SGMS1: variants seen among roughly 807,000 people sequenced by gnomAD.
SGMS1 encodes the protein sphingomyelin synthase 1, also known as phosphatidylcholine:ceramide cholinephosphotransferase 1.
In SGMS1, 13 loss-of-function variants were observed where a neutral mutation model predicts 46.2. That is an observed-to-expected ratio of 0.28 (90% CI 0.18 to 0.45). The LOEUF is 0.45. Ranked by LOEUF, SGMS1 falls within the 20% of genes least tolerant of loss-of-function variation. The pLI is 1.00. For synonymous variants in SGMS1, 203 were observed against 187.8 expected (o/e 1.08, Z -0.66); for missense variants, 324 against 519.9 (o/e 0.62, Z 3.66).
At chr10:50,622,540 C>T (rs1043142851) in intron 1 of SGMS1, among the ~76,000 whole-genome samples, 13 of 152,308 alleles carry the variant, frequency 8.5e-5, no homozygotes, top group African/African-American at 2.9e-4. Flanking sequence ...CTTTAAAGGT[C>T]CAGGAAGATA....
At chr10:50,386,389 G>C (rs913942656) in intron 6 of SGMS1, among the ~76,000 whole-genome samples, 4 of 152,092 alleles carry the variant, frequency 2.6e-5, no homozygotes, top group African/African-American at 9.7e-5. Flanking sequence ...GCATCCTTAT[G>C]GGTTGAAGTA....
intron 6 of SGMS1, among the ~76,000 whole-genome samples, chr10:50,352,966 AG>A (rs1848048562): frequency 6.6e-6 from 1 of 152,208 alleles, no homozygotes; most frequent in Admixed American, 6.5e-5. Context: ...AACCAAAAAA[AG>A]TCCAGGACCA....
rs185192621 is a variant in SGMS1 at position 50,310,906 on chromosome 10, A to G, written c.895+356T>C. ...TAGTTGCTGCATCAACACATAATCTACCATCACCCAATCAGGCTTGATACT... is the reference window on the plus strand; with the variant it reads ...TAGTTGCTGCATCAACACATAATCTGCCATCACCCAATCAGGCTTGATACT... On this transcript the variant is annotated intron_variant, in intron 9 of 10. Coordinates refer to ENST00000361781, the MANE Select transcript of SGMS1 (RefSeq NM_147156.4). 7.2e-5 allele frequency among the ~76,000 whole-genome samples: 11 copies of G among 152,216 alleles called. No individual in the cohort carries two copies. In the East Asian group the frequency reaches 2.1e-3, roughly 29 times the overall value.
intron 3 of SGMS1, among the ~76,000 whole-genome samples, chr10:50,507,567 T>C (rs1231222680): frequency 2.0e-5 from 3 of 152,230 alleles, no homozygotes; most frequent in African/African-American, 7.2e-5. Context: ...GCCTGAGCCA[T>C]GGAATTCACC....
At chr10:50,542,248 T>C (rs922387744) in intron 2 of SGMS1, among the ~76,000 whole-genome samples, 1 of 152,186 alleles carries the variant, frequency 6.6e-6, no homozygotes, top group Admixed American at 6.5e-5. Context: ...CCAGGTTCTA[T>C]GTCTCAAAAA....
At chr10:50,339,742 AG>A (rs1438699539) in intron 7 of SGMS1, among the ~76,000 whole-genome samples, 3 of 152,248 alleles carry the variant, frequency 2.0e-5, no homozygotes, top group African/African-American at 4.8e-5. Flanking sequence ...AATGATGAAT[AG>A]GGTCTAGTTC....
intron 6 of SGMS1, among the ~76,000 whole-genome samples, chr10:50,391,669 A>G (rs1346469906): frequency 6.6e-6 from 1 of 152,130 alleles, no homozygotes; most frequent in Non-Finnish European, 1.5e-5. Flanking sequence ...ATTATTGGGT[A>G]TTTACCCAAA....
chr10:50,560,285 T>C (rs1035758189), intron 2 of SGMS1, among the ~76,000 whole-genome samples: 2 of 141,114 alleles, frequency 1.4e-5, no homozygotes, highest in Non-Finnish European at 1.5e-5. Context: ...ATACAGTATA[T>C]GTATTATAAT....
chr10:50,376,597 G>A (rs555802253), intron 6 of SGMS1, among the ~76,000 whole-genome samples: 3 of 152,120 alleles, frequency 2.0e-5, no homozygotes, highest in African/African-American at 7.2e-5. Context: ...CCAACCCCAC[G>A]ATAGGCCCCA....
chr10:50,547,725 C>A (rs1351579787), intron 2 of SGMS1, among the ~76,000 whole-genome samples: 1 of 152,088 alleles, frequency 6.6e-6, no homozygotes, highest in Non-Finnish European at 1.5e-5. Context: ...CAACACCTGG[C>A]AGAGATACAA....
intron 2 of SGMS1, among the ~76,000 whole-genome samples, chr10:50,585,159 G>A (rs141402138): frequency 0.012 from 1,824 of 152,324 alleles, 16 homozygotes; most frequent in Middle Eastern, 0.034. Context: ...AACAGAGATA[G>A]ATTAATTTGT....
In SGMS1 at chr10:50,311,268, T is replaced by C. The variant is rs1339516161; in HGVS notation, c.889A>G (p.Lys297Glu). 6 of 1,612,918 alleles carry C rather than the reference T, an allele frequency of 3.7e-6. No homozygotes were observed. Among genetic ancestry groups the C allele is most frequent in the South Asian group, 1.1e-5 (1 of 90,984 alleles). ...VMLTLTYLFI[K>E]EYSPRRLWWY... The stretch of plus-strand genomic sequence containing the variant: ...GGAAGTCTTTTAGACTTACACTCTT[T>C]GATAAATAAGTAGGTAAGTGTTAGC... The change falls in exon 9 of 11, where the codon AAA becomes GAA. Residue 297 changes from lysine to glutamate, a missense_variant. This residue lies in a region of SGMS1 where 174 missense variants were observed against 350.1 expected (regional missense o/e 0.50). Transcript: ENST00000361781.
intron 6 of SGMS1, among the ~76,000 whole-genome samples, chr10:50,360,934 G>A (rs1462170038): frequency 6.6e-6 from 1 of 152,182 alleles, no homozygotes; most frequent in African/African-American, 2.4e-5. Flanking sequence ...TAGGAAAAGG[G>A]TGAGGCCGTG....
At chr10:50,378,333 CAGAA>C (rs1848548734) in intron 6 of SGMS1, among the ~76,000 whole-genome samples, 1 of 152,116 alleles carries the variant, frequency 6.6e-6, no homozygotes, top group South Asian at 2.1e-4. Flanking sequence ...GATGGGAAGA[CAGAA>C]AGAAACAGAC....
chr10:50,552,185 T>C (rs1838154796), intron 2 of SGMS1, among the ~76,000 whole-genome samples: 1 of 152,200 alleles, frequency 6.6e-6, no homozygotes, highest in Non-Finnish European at 1.5e-5. Context: ...TAACCCACAT[T>C]ATCCCTGAAT....
chr10:50,485,905 CA>C (rs1261719400), intron 3 of SGMS1, among the ~76,000 whole-genome samples: 1 of 151,936 alleles, frequency 6.6e-6, no homozygotes, highest in Non-Finnish European at 1.5e-5. Flanking sequence ...GTCTCAAAAA[CA>C]AAAAACAAGC....
chr10:50,333,280 TAC>T (rs1459190159), intron 7 of SGMS1, among the ~76,000 whole-genome samples: 3 of 152,218 alleles, frequency 2.0e-5, no homozygotes, highest in Admixed American at 1.3e-4. Context: ...CCAGCAACAC[TAC>T]ACAGTTTTGT....
chr10:50,412,842 C>T (rs190382846), intron 6 of SGMS1, among the ~76,000 whole-genome samples: 50 of 152,248 alleles, frequency 3.3e-4, no homozygotes, highest in African/African-American at 1.0e-3. Flanking sequence ...AAATAGATGA[C>T]TCTTGTTTTC....
intron 2 of SGMS1, among the ~76,000 whole-genome samples, chr10:50,534,932 C>T (rs1331590599): frequency 6.6e-6 from 1 of 152,128 alleles, no homozygotes; most frequent in Non-Finnish European, 1.5e-5. Flanking sequence ...ATAACTTTTC[C>T]ATTAAAAACA....
Sources: allele counts gnomAD v4.1 joint callset (sites outside exome capture counted in the v4.1 genomes callset), GRCh38; gene constraint gnomAD v4.1.1; regional missense constraint gnomAD v4.1.1; transcripts MANE v1.5; gene names NCBI Gene and HGNC (gene_info 2026-07-23, HGNC 2026-07-21).